Variants in DYNC2H1 observed in about 807,000 individuals in gnomAD.
DYNC2H1 encodes the protein cytoplasmic dynein 2 heavy chain 1.
In DYNC2H1, 410 loss-of-function variants were observed where a neutral mutation model predicts 570.0. That is an observed-to-expected ratio of 0.72 (90% CI 0.66 to 0.78). The LOEUF (loss-of-function observed/expected upper bound fraction) is 0.78, where lower values mean the gene tolerates loss of function less well. DYNC2H1 is among the 30% of genes least tolerant of loss of function. DYNC2H1 has a pLI of 0.00. For synonymous variants in DYNC2H1, 1,688 were observed against 1,677.6 expected (o/e 1.01, Z -0.15); for missense variants, 4,865 against 5,046.4 (o/e 0.96, Z 1.09).
intron 82 of DYNC2H1, among the ~76,000 whole-genome samples, chr11:103,335,167 C>A (rs1006864469): frequency 5.9e-5 from 9 of 151,900 alleles, no homozygotes; most frequent in Non-Finnish European, 1.2e-4. Flanking sequence ...AAGCATCCAT[C>A]AGCATTTTAA....
In DYNC2H1 at chr11:103,186,415, A is replaced by G. The variant is rs1358165800; in HGVS notation, c.6807A>G (p.Gln2269=). 5 of 1,612,746 alleles carry G rather than the reference A, an allele frequency of 3.1e-6. No individual in the cohort carries two copies. Among genetic ancestry groups the G allele is most frequent in the Non-Finnish European group, 3.4e-6 (4 of 1,179,204 alleles). ...CAGTCATTCAGACTCCTGACATGCA[A>G]CGAGGTCTAGATTATTTCAAACCAT... is the stretch of plus-strand genomic sequence containing the variant. The part of the protein sequence containing the change: ...TLPVIQTPDM[Q]RGLDYFKPWL... The change falls in exon 42 of 89, where the codon CAA becomes CAG. Residue 2269 remains glutamine (Q), a synonymous_variant. Coordinates refer to ENST00000375735, the MANE Select transcript of DYNC2H1 (RefSeq NM_001377.3). The surrounding 1 kb of genome is among the most constrained non-coding windows in gnomAD (Gnocchi z 4.5).
rs1945167906 is a variant in DYNC2H1 at position 103,465,451 on chromosome 11, G to GT, written c.12649-3134dup. Among the ~76,000 whole-genome samples the GT allele has an allele frequency of 6.8e-6, 1 of 146,048 alleles. No homozygotes were observed. The highest frequency in any genetic ancestry group is 2.5e-5 in the African/African-American group (1 of 39,710). On this transcript the variant is annotated intron_variant, in intron 87 of 88. Transcript: ENST00000375735. This position sits in a 1 kb window ranked among gnomAD's most constrained non-coding sequence, Gnocchi z 4.9. Reference sequence around the variant, plus strand: ...AATTTCAACCAGTATCCCAAAGTGTGTTTTGTTTTTTTTTTTAATCTGTGG... The same window carrying GT: ...AATTTCAACCAGTATCCCAAAGTGTGTTTTTGTTTTTTTTTTTAATCTGTGG...
rs559840425 is a variant in DYNC2H1 at position 103,199,008 on chromosome 11, A to G, written c.7840-220A>G. Among the ~76,000 whole-genome samples the G allele has an allele frequency of 6.6e-5, 10 of 152,246 alleles. No individual in the cohort carries two copies. Among genetic ancestry groups the G allele is most frequent in the South Asian group, 4.1e-4 (2 of 4,830 alleles). Reference sequence around the variant, plus strand: ...GACCAAAAGTAACTGATTTTCACGGACCCTTGAACTTGTTTGACATGAGTT... The same window carrying G: ...GACCAAAAGTAACTGATTTTCACGGGCCCTTGAACTTGTTTGACATGAGTT... On this transcript the variant is annotated intron_variant, in intron 48 of 88. Coordinates refer to ENST00000375735, the MANE Select transcript of DYNC2H1 (RefSeq NM_001377.3). The surrounding 1 kb of genome is among the most constrained non-coding windows in gnomAD (Gnocchi z 4.6).
At chr11:103,414,670 T>G (rs4393289) in intron 84 of DYNC2H1, among the ~76,000 whole-genome samples, 1 of 151,900 alleles carries the variant, frequency 6.6e-6, no homozygotes, top group East Asian at 1.9e-4. Context: ...AGCTAATAAG[T>G]AACTTCAGCA....
In DYNC2H1 at chr11:103,324,281, G is replaced by C. The variant is rs994978146; in HGVS notation, c.12039+291G>C. ...GATTATTTTATCACGTAGGTAATAA[G>C]TATAGTGCCCAACAGGTAATTTTTC... On this transcript the variant is annotated intron_variant, in intron 82 of 88. Transcript: ENST00000375735. This position sits in a 1 kb window ranked among gnomAD's most constrained non-coding sequence, Gnocchi z 5.2. 1.3e-5 allele frequency among the ~76,000 whole-genome samples: 2 copies of C among 152,108 alleles called. No individual in the cohort carries two copies. The highest frequency in any genetic ancestry group is 1.5e-5 in the Non-Finnish European group (1 of 68,030).
In DYNC2H1 at chr11:103,189,354, T is replaced by C. The variant is rs1195027140; in HGVS notation, c.7293-318T>C. Among the ~76,000 whole-genome samples the C allele has an allele frequency of 2.0e-5, 3 of 152,146 alleles. No homozygotes were observed. The highest frequency in any genetic ancestry group is 7.2e-5 in the African/African-American group (3 of 41,446). ...GGATTACTGCCCTGTGTACAGACCT[T>C]ATGTAACTCAAAAATGCTTTTCAAA... On this transcript the variant is annotated intron_variant, in intron 44 of 88. Transcript: ENST00000375735. The surrounding 1 kb of genome is among the most constrained non-coding windows in gnomAD (Gnocchi z 4.3).
intron 87 of DYNC2H1, among the ~76,000 whole-genome samples, chr11:103,459,334 G>A (rs505781): frequency 0.019 from 1,098 of 57,250 alleles, 65 homozygotes; most frequent in African/African-American, 0.04. Flanking sequence ...AAAAAAAAAA[G>A]GAAATTCCAT....
chr11:103,287,414 AATG>A, intron 74 of DYNC2H1, 116 bp from the exon 75 acceptor site: 1 of 788,984 alleles, frequency 1.3e-6, no homozygotes, highest in Non-Finnish European at 2.0e-6. Flanking sequence ...AATATGGAAC[AATG>A]ATAAGTGTTC....
At chr11:103,117,502 G>C in intron 5 of DYNC2H1, 129 bp from the exon 6 acceptor site, 1 of 672,836 alleles carries the variant, frequency 1.5e-6, no homozygotes, top group Non-Finnish European at 2.3e-6. Context: ...GGACATGCAT[G>C]TGGTATTTCA....
At chr11:103,335,186 T>G (rs78362338) in intron 82 of DYNC2H1, among the ~76,000 whole-genome samples, 1,985 of 151,670 alleles carry the variant, frequency 0.013, 45 homozygotes, top group African/African-American at 0.045. Flanking sequence ...AAAATTTGTT[T>G]CTGTAGGTCA....
chr11:103,139,005 G>A, intron 17 of DYNC2H1, among the ~76,000 whole-genome samples: 1 of 151,366 alleles, frequency 6.6e-6, no homozygotes, highest in Non-Finnish European at 1.5e-5. Flanking sequence ...TTGCGTAGAG[G>A]TGTTTGTAGT....
chr11:103,435,831 CATATGT>C, intron 84 of DYNC2H1, 106 bp from the exon 85 acceptor site: 1 of 814,130 alleles, frequency 1.2e-6, no homozygotes, highest in Non-Finnish European at 2.0e-6. Context: ...TAATGAATTT[CATATGT>C]ATATGTGAAT....
intron 82 of DYNC2H1, among the ~76,000 whole-genome samples, chr11:103,354,909 G>A (rs1008971142): frequency 1.3e-5 from 2 of 151,022 alleles, no homozygotes; most frequent in African/African-American, 2.4e-5. Flanking sequence ...AATATGAGAA[G>A]TATTGTCTTT....
chr11:103,468,445 T>C, intron 87 of DYNC2H1, 144 bp from the exon 88 acceptor site: 1 of 577,390 alleles, frequency 1.7e-6, no homozygotes, highest in Non-Finnish European at 3.1e-6. Context: ...ACTGACTTTA[T>C]TCTCAAAGTA....
Position 103,451,389 on chromosome 11 carries a change from G to C in DYNC2H1, c.12457-3797G>C, listed in dbSNP as rs535812754. Among the ~76,000 whole-genome samples, 9 of 128,436 alleles carry C rather than the reference G, an allele frequency of 7.0e-5. No individual in the cohort carries two copies. The East Asian group carries it at 2.3e-3, about 33-fold the overall frequency. The allele number at this position is 128,436 out of a possible 152,430, so 84.3% of individuals were successfully genotyped here. On this transcript the variant is annotated intron_variant, in intron 85 of 88. Transcript: ENST00000375735. ...TGCTCTATCACCAGGCTGGAGTGCA[G>C]TGGCACAATCTCGGCTCACTGCAAC...
rs992067567 is a variant in DYNC2H1, at chr11:103,129,512, T to G, written c.1953+507T>G. ...GCCTGGCCAACATGGTGAAACCCCA[T>G]CTCAACTAAAAATACAAAAAAATTA... is the stretch of plus-strand genomic sequence containing the variant. On this transcript the variant is annotated intron_variant, in intron 13 of 88. Coordinates refer to ENST00000375735, the MANE Select transcript of DYNC2H1 (RefSeq NM_001377.3). This position sits in a 1 kb window ranked among gnomAD's most constrained non-coding sequence, Gnocchi z 4.1. Among the ~76,000 whole-genome samples the G allele has an allele frequency of 8.6e-5, 13 of 151,974 alleles. No homozygotes were observed. Among genetic ancestry groups the G allele is most frequent in the African/African-American group, 3.1e-4 (13 of 41,388 alleles).
At chr11:103,230,409 T>C (rs1212708476) in intron 59 of DYNC2H1, among the ~76,000 whole-genome samples, 1 of 152,152 alleles carries the variant, frequency 6.6e-6, no homozygotes, top group East Asian at 1.9e-4. Context: ...GGATAAGGTG[T>C]CAGTCATTTT....
Position 103,125,107 on chromosome 11 carries a change from G to T in DYNC2H1, c.1669G>T (p.Ala557Ser). The T allele has an allele frequency of 1.2e-6, 2 of 1,610,926 alleles. No individual in the cohort carries two copies. The highest frequency in any genetic ancestry group is 1.7e-6 in the Non-Finnish European group (2 of 1,177,712). ...SDSRSGLCIE[A>S]SSRIMELDSN... is the part of the protein sequence containing the mutation. ...ATTTATTTTGTTTTATAGTATTGAG[G>T]CTAGTAGTCGAATTATGGAATTGGA... Residue 557 changes from alanine (A) to serine (S), a missense_variant, in exon 12 of 89, where the codon GCT becomes TCT. Ala to Ser is a moderately conservative substitution (Grantham distance 99). Coordinates refer to ENST00000375735, the MANE Select transcript of DYNC2H1 (RefSeq NM_001377.3).
At chr11:103,117,505 G>A (rs1858471009) in intron 5 of DYNC2H1, 126 bp from the exon 6 acceptor site, 2 of 698,816 alleles carry the variant, frequency 2.9e-6, no homozygotes, top group Admixed American at 3.3e-5. Flanking sequence ...CATGCATGTG[G>A]TATTTCATAG....
Sources: gnomAD v4.1 joint callset for allele counts (sites outside exome capture counted in the v4.1 genomes callset) on GRCh38, gnomAD v4.1.1 for gene constraint, Gnocchi (gnomAD v3.1) non-coding constraint, MANE v1.5 for transcripts, NCBI Gene and HGNC (gene_info 2026-07-23, HGNC 2026-07-21) for gene names.